Variants in KLRG1 observed in about 807,000 individuals in gnomAD.
The protein encoded by KLRG1 is killer cell lectin-like receptor subfamily G member 1.
In KLRG1, 16 loss-of-function variants were observed where a neutral mutation model predicts 21.8. The ratio of observed to expected loss-of-function variants is 0.73; its 90% confidence interval spans 0.50 to 1.11. The LOEUF (loss-of-function observed/expected upper bound fraction) is 1.11. KLRG1 is among the 50% of genes most tolerant of loss of function. The pLI, the probability that KLRG1 is intolerant of heterozygous loss-of-function variation, is 0.00. For synonymous variants in KLRG1, 69 were observed against 75.9 expected (o/e 0.91, Z 0.47); for missense variants, 173 against 218.3 (o/e 0.79, Z 1.31).
chr12:9,126,320 C>T, the KLRG1 span, among the ~76,000 whole-genome samples: 1 of 152,112 alleles, frequency 6.6e-6, no homozygotes, highest in African/African-American at 2.4e-5. Flanking sequence ...TCTCTTGAAA[C>T]TTTATTTCAA....
chr12:9,078,243 C>T, the KLRG1 span, among the ~76,000 whole-genome samples: 1 of 151,156 alleles, frequency 6.6e-6, no homozygotes, highest in East Asian at 1.9e-4. Flanking sequence ...TCCCTGTGTC[C>T]GTGTGTTCTC....
chr12:9,116,064 C>T, the KLRG1 span: 1 of 555,952 alleles, frequency 1.8e-6, no homozygotes, highest in Non-Finnish European at 3.3e-6. Context: ...AAGGTTAATT[C>T]CTGGCGGGCT....
the KLRG1 span, chr12:9,077,439 G>T: frequency 6.2e-7 from 1 of 1,603,414 alleles, no homozygotes; most frequent in Non-Finnish European, 8.5e-7. Flanking sequence ...ACGAGAGAGA[G>T]ATCTGAATAA....
chr12:8,993,187 T>C (rs1472790353), intron 2 of KLRG1, among the ~76,000 whole-genome samples: 1 of 151,934 alleles, frequency 6.6e-6, no homozygotes, highest in Admixed American at 6.6e-5. Context: ...TAGAGGACTC[T>C]CAGTTTGTTG....
At chr12:9,125,520 AT>A in the KLRG1 span, among the ~76,000 whole-genome samples, 5 of 152,334 alleles carry the variant, frequency 3.3e-5, no homozygotes, top group East Asian at 3.9e-4. Context: ...TTAATGATAT[AT>A]TTTTAATCCA....
the KLRG1 span, chr12:9,068,832 T>A: frequency 6.3e-7 from 1 of 1,595,414 alleles, no homozygotes; most frequent in Non-Finnish European, 8.5e-7. Flanking sequence ...GCTCAGTGTC[T>A]GATTTGACAC....
intron 1 of KLRG1, among the ~76,000 whole-genome samples, chr12:8,969,076 A>G (rs951844806): frequency 6.6e-6 from 1 of 152,154 alleles, no homozygotes; most frequent in Non-Finnish European, 1.5e-5. Flanking sequence ...CCAGCCTTGG[A>G]CAGGGTAGGA....
chr12:9,192,035 AT>A, the KLRG1 span, among the ~76,000 whole-genome samples: 4 of 152,208 alleles, frequency 2.6e-5, no homozygotes, highest in Non-Finnish European at 5.9e-5. Flanking sequence ...TGACTGTTGA[AT>A]TTTAAAATGC....
the KLRG1 span, chr12:9,168,742 T>C: frequency 1.4e-6 from 1 of 726,546 alleles, no homozygotes; most frequent in Non-Finnish European, 2.3e-6. Flanking sequence ...CAAGAAACAA[T>C]TAATTTGAAT....
the KLRG1 span, chr12:9,202,308 T>C: frequency 2.5e-6 from 4 of 1,610,082 alleles, no homozygotes; most frequent in Admixed American, 1.7e-5. Flanking sequence ...CCACAGATAG[T>C]GGATGCTTAC....
chr12:8,960,154 C>A (rs1211953710), intron 1 of KLRG1, among the ~76,000 whole-genome samples: 2 of 152,174 alleles, frequency 1.3e-5, no homozygotes, highest in Non-Finnish European at 2.9e-5. Context: ...GCGAGCCCCA[C>A]AATTCCCCCT....
chr12:9,048,253 A>G, the KLRG1 span, among the ~76,000 whole-genome samples: 1 of 152,242 alleles, frequency 6.6e-6, no homozygotes, highest in African/African-American at 2.4e-5. Context: ...AGATTAAATA[A>G]CATACTTCTA....
the KLRG1 span, chr12:9,112,722 A>C: frequency 1.7e-6 from 1 of 602,130 alleles, no homozygotes. Flanking sequence ...ACAGGACACA[A>C]GGTGGAGGAA....
chr12:9,101,649 C>A, the KLRG1 span: 1 of 1,613,822 alleles, frequency 6.2e-7, no homozygotes, highest in Non-Finnish European at 8.5e-7. Flanking sequence ...GTAGCCGTAA[C>A]AGGGACTACG....
the KLRG1 span, chr12:9,149,050 T>C: frequency 6.6e-7 from 1 of 1,504,086 alleles, no homozygotes; most frequent in East Asian, 2.3e-5. Flanking sequence ...GAGCATTCAG[T>C]TGAGTGTGGG....
At chr12:9,014,559 A>G (rs966821479), downstream of KLRG1, among the ~76,000 whole-genome samples, 4 of 152,272 alleles carry the variant, frequency 2.6e-5, no homozygotes, top group Non-Finnish European at 4.4e-5. Flanking sequence ...CAAACAAACA[A>G]AAGCAGAAGG....
chr12:8,982,617 A>G (rs1946772211), intron 1 of KLRG1, among the ~76,000 whole-genome samples: 1 of 150,472 alleles, frequency 6.6e-6, no homozygotes, highest in African/African-American at 2.4e-5. Flanking sequence ...TTTAAAGTGC[A>G]TATCTTACAG....
intron 1 of KLRG1, among the ~76,000 whole-genome samples, chr12:8,966,751 T>C (rs1217029663): frequency 1.4e-5 from 2 of 139,680 alleles, no homozygotes; most frequent in Non-Finnish European, 3.2e-5. Context: ...TGTAAACTAG[T>C]TCAACCATTG....
chr12:9,100,325 C>A, the KLRG1 span, among the ~76,000 whole-genome samples: 1 of 152,198 alleles, frequency 6.6e-6, no homozygotes, highest in Non-Finnish European at 1.5e-5. Flanking sequence ...ACACAATTCT[C>A]ATTTTGAGAA....
Sources: allele counts gnomAD v4.1 joint callset (sites outside exome capture counted in the v4.1 genomes callset), GRCh38; gene constraint gnomAD v4.1.1; transcripts MANE v1.5; gene names NCBI Gene and HGNC (gene_info 2026-07-23, HGNC 2026-07-21).